The following PLET1 variants were observed in gnomAD, a reference collection of about 807,000 sequenced individuals.
The protein encoded by PLET1 is placenta expressed transcript 1.
A neutral mutation model predicts 18.5 loss-of-function variants in PLET1; 20 were observed. That is an observed-to-expected ratio of 1.08 (90% CI 0.76 to 1.57). The LOEUF is 1.57. Ranked by LOEUF, PLET1 falls within the 40% of genes most tolerant of loss-of-function variation. The pLI is 0.00. For synonymous variants in PLET1, 93 were observed against 93.8 expected (o/e 0.99, Z 0.05); for missense variants, 256 against 246.4 (o/e 1.04, Z -0.26).
At chr11:112,249,652 G>A (rs1484305166) in intron 3 of PLET1, among the ~76,000 whole-genome samples, 1 of 152,130 alleles carries the variant, frequency 6.6e-6, no homozygotes, top group Non-Finnish European at 1.5e-5. Context: ...AAGACTCTGA[G>A]TGGACTGTAG....
chr11:112,258,679 G>T (rs941315475), intron 1 of PLET1, among the ~76,000 whole-genome samples: 5 of 152,266 alleles, frequency 3.3e-5, no homozygotes, highest in Middle Eastern at 6.8e-3. Flanking sequence ...TTGCAGTGGT[G>T]CCTCTGACAC....
chr11:112,251,909 T>A (rs924003013), intron 3 of PLET1, among the ~76,000 whole-genome samples: 5 of 152,220 alleles, frequency 3.3e-5, no homozygotes, highest in African/African-American at 1.2e-4. Flanking sequence ...ATGATATCAA[T>A]CCTTCTTTGT....
intron 1 of PLET1, among the ~76,000 whole-genome samples, chr11:112,255,808 T>G (rs537228740): frequency 6.6e-6 from 1 of 152,348 alleles, no homozygotes; most frequent in South Asian, 2.1e-4. Flanking sequence ...GGATTACAGA[T>G]GATTTTTATT....
intron 1 of PLET1, among the ~76,000 whole-genome samples, chr11:112,258,966 T>TA (rs1429068186): frequency 6.6e-6 from 1 of 152,104 alleles, no homozygotes; most frequent in African/African-American, 2.4e-5. Context: ...TTGCAAAAGT[T>TA]AGACTTTTAA....
intron 1 of PLET1, among the ~76,000 whole-genome samples, chr11:112,259,204 CT>C (rs1459404913): frequency 6.6e-6 from 1 of 152,200 alleles, no homozygotes; most frequent in Non-Finnish European, 1.5e-5. Flanking sequence ...TTAGCTCTCA[CT>C]ACTATAAGGA....
chr11:112,257,564 T>G (rs12801972), intron 1 of PLET1, among the ~76,000 whole-genome samples: 14 of 152,114 alleles, frequency 9.2e-5, no homozygotes, highest in Middle Eastern at 3.2e-3. Flanking sequence ...AGGCTTAAAG[T>G]TCAGCAAGAA....
intron 1 of PLET1, among the ~76,000 whole-genome samples, chr11:112,259,236 G>A (rs1266800028): frequency 6.6e-6 from 1 of 152,150 alleles, no homozygotes; most frequent in East Asian, 1.9e-4. Context: ...GTGGTTAAAG[G>A]CAGGGTCTCT....
At chr11:112,256,744 C>A (rs116272711) in intron 1 of PLET1, among the ~76,000 whole-genome samples, 2 of 152,320 alleles carry the variant, frequency 1.3e-5, no homozygotes, top group South Asian at 4.1e-4. Flanking sequence ...TTGTGTGATG[C>A]AGATCCCGCA....
intron 1 of PLET1, among the ~76,000 whole-genome samples, chr11:112,258,368 C>T (rs1193007689): frequency 6.6e-6 from 1 of 150,690 alleles, no homozygotes; most frequent in African/African-American, 2.4e-5. Flanking sequence ...ACTGCAACTT[C>T]CACCTCCTGG....
In PLET1 at chr11:112,260,387, G is replaced by A. The variant is rs1001847646; in HGVS notation, c.184+19C>T. Reference sequence around the variant, plus strand: ...CCCTCAGGGAACAAAGGACAGCAGAGAGCATGGCTTCTACTCACCAGAATA... The same window carrying A: ...CCCTCAGGGAACAAAGGACAGCAGAAAGCATGGCTTCTACTCACCAGAATA... On this transcript the variant is annotated intron_variant, in intron 1 of 3. Coordinates refer to ENST00000338832, the MANE Select transcript of PLET1 (RefSeq NM_001145024.1). 44 of 1,544,102 alleles carry A rather than the reference G, an allele frequency of 2.8e-5. No individual in the cohort carries two copies. Among genetic ancestry groups the A allele is most frequent in the Non-Finnish European group, 3.6e-5 (41 of 1,141,246 alleles).
chr11:112,254,724 G>GA (rs1860198052), intron 2 of PLET1, among the ~76,000 whole-genome samples: 1 of 131,544 alleles, frequency 7.6e-6, no homozygotes, highest in Non-Finnish European at 1.6e-5. Flanking sequence ...TGTTGTGAGT[G>GA]TGTGTGTGGT....
At chr11:112,254,832 T>G (rs1415633928) in intron 2 of PLET1, among the ~76,000 whole-genome samples, 2 of 116,902 alleles carry the variant, frequency 1.7e-5, no homozygotes, top group Non-Finnish European at 3.5e-5. Flanking sequence ...ATGTGGGGTG[T>G]ATGTGTTGTG....
intron 2 of PLET1, among the ~76,000 whole-genome samples, chr11:112,252,981 T>G (rs1195595182): frequency 6.6e-6 from 1 of 152,170 alleles, no homozygotes; most frequent in Non-Finnish European, 1.5e-5. Flanking sequence ...GTTAGATCAT[T>G]AATGAAAGGA....
In PLET1 at chr11:112,248,802, G is replaced by A; in HGVS notation, c.621C>T (p.Phe207=). The change falls in exon 4 of 4, where the codon TTC becomes TTT. Residue 207 remains phenylalanine, a synonymous_variant. Coordinates refer to ENST00000338832, the MANE Select transcript of PLET1 (RefSeq NM_001145024.1). ...CAATTGTTTCCCTGGCTTCCCTTTA[G>A]AAGAGAAGTGTGCTGGTGAGAAAAG... is the stretch of plus-strand genomic sequence containing the variant. ...LLAFLTSTLL[F] The A allele has an allele frequency of 6.4e-7, 1 of 1,551,520 alleles. No individual in the cohort carries two copies. Among genetic ancestry groups the A allele is most frequent in the East Asian group, 2.4e-5 (1 of 40,926 alleles).
chr11:112,258,266 T>C (rs913736126), intron 1 of PLET1, among the ~76,000 whole-genome samples: 2 of 148,290 alleles, frequency 1.3e-5, no homozygotes, highest in African/African-American at 4.9e-5. Flanking sequence ...CTTCATATGA[T>C]AGATTTCTTT....
intron 2 of PLET1, among the ~76,000 whole-genome samples, chr11:112,253,185 G>T (rs1307951845): frequency 6.6e-6 from 1 of 152,114 alleles, no homozygotes; most frequent in African/African-American, 2.4e-5. Flanking sequence ...GTGTACAACT[G>T]GGAGCTCATA....
At chr11:112,249,069 G>T in intron 3 of PLET1, 95 bp from the exon 4 acceptor site, 1 of 1,126,618 alleles carries the variant, frequency 8.9e-7, no homozygotes, top group Non-Finnish European at 1.3e-6. Context: ...AGGGTAATCT[G>T]ATGGAATGCT....
At chr11:112,254,798 TGGTGC>T in intron 2 of PLET1, among the ~76,000 whole-genome samples, 1 of 82,200 alleles carries the variant, frequency 1.2e-5, no homozygotes, top group Middle Eastern at 0.015. Flanking sequence ...GTGTGGTGTG[TGGTGC>T]ATGTGTGGTG....
chr11:112,254,339 T>G (rs201248476), intron 2 of PLET1, among the ~76,000 whole-genome samples: 1 of 65,992 alleles, frequency 1.5e-5, no homozygotes, highest in African/African-American at 4.4e-5. Context: ...GGGTGGTGTG[T>G]GGTGTGTGTG....
Sources: allele counts gnomAD v4.1 joint callset (sites outside exome capture counted in the v4.1 genomes callset), GRCh38; gene constraint gnomAD v4.1.1; transcripts MANE v1.5; gene names NCBI Gene and HGNC (gene_info 2026-07-23, HGNC 2026-07-21).